Variants in ENPP3 observed in about 807,000 individuals in gnomAD.
ENPP3 encodes ectonucleotide pyrophosphatase/phosphodiesterase 3.
ENPP3 carries 104 observed loss-of-function variants against 117.8 expected under a neutral mutation model. The observed-to-expected ratio is 0.88, with a 90% CI of 0.75 to 1.04. The LOEUF is 1.04. Ranked by LOEUF, ENPP3 falls within the 50% of genes least tolerant of loss-of-function variation. The pLI is 0.00. For missense variants in ENPP3, 1,026 were observed against 1,051.9 expected, an observed-to-expected ratio of 0.98 and a Z score of 0.34; for synonymous variants, 380 against 349.9, an observed-to-expected ratio of 1.09 and a Z score of -0.96.
At chr6:131,664,781 G>T (rs1282233752) in intron 6 of ENPP3, among the ~76,000 whole-genome samples, 2 of 152,170 alleles carry the variant, frequency 1.3e-5, no homozygotes, top group Non-Finnish European at 2.9e-5. Context: ...TTGTACAATA[G>T]ACTTTACTAT....
chr6:131,746,851 T>C lies in ENPP3; in HGVS notation c.2523T>C (p.Asp841=). The C allele has an allele frequency of 6.2e-7, 1 of 1,613,634 alleles. No homozygotes were observed. ...CAGCTCACATTGCCCGGGTCCGTGATGTAGAACTTCTCACTGGGCTTGACT... is the reference window on the plus strand; with the variant it reads ...CAGCTCACATTGCCCGGGTCCGTGACGTAGAACTTCTCACTGGGCTTGACT... ...RFTAHIARVR[D]VELLTGLDFY... Residue 841 remains aspartate, a synonymous_variant, in exon 25 of 25, where the codon GAT becomes GAC. Transcript: ENST00000357639.
chr6:131,729,149 C>T (rs1780220606), intron 20 of ENPP3, among the ~76,000 whole-genome samples: 1 of 152,030 alleles, frequency 6.6e-6, no homozygotes, highest in Non-Finnish European at 1.5e-5. Flanking sequence ...TGTTAAAAAG[C>T]CTTTTTTCTT....
chr6:131,649,172 T>G lies in ENPP3; in HGVS notation c.155-855T>G, dbSNP rs562329633. Among the ~76,000 whole-genome samples, 22 of 152,284 alleles carry G rather than the reference T, an allele frequency of 1.4e-4. No homozygotes were observed. The East Asian group carries it at 1.7e-3, about 12-fold the overall frequency. On this transcript the variant is annotated intron_variant, in intron 2 of 24. Coordinates refer to ENST00000357639, the MANE Select transcript of ENPP3 (RefSeq NM_005021.5). ...TTCCTTCAGGCCCTTATCATTTTTT[T>G]GGGGCGGGTAAAAATTTCTTGCTTA...
chr6:131,739,593 CT>C (rs71270397), intron 23 of ENPP3, among the ~76,000 whole-genome samples: 4,704 of 87,446 alleles, frequency 0.054, 51 homozygotes, highest in Middle Eastern at 0.11. Context: ...TCATGCTCTG[CT>C]TTTTTTTTTT....
At chr6:131,669,948 A>G (rs983498857) in intron 6 of ENPP3, among the ~76,000 whole-genome samples, 3 of 152,210 alleles carry the variant, frequency 2.0e-5, no homozygotes, top group Non-Finnish European at 2.9e-5. Context: ...ATAACGGTGA[A>G]GCTTTATTTT....
chr6:131,677,440 C>T (rs1338169975), intron 10 of ENPP3, among the ~76,000 whole-genome samples: 2 of 152,068 alleles, frequency 1.3e-5, no homozygotes, highest in Non-Finnish European at 2.9e-5. Flanking sequence ...CAAGGTGCTC[C>T]ATCAAGCCCA....
intron 2 of ENPP3, among the ~76,000 whole-genome samples, 177 bp downstream of exon 2, chr6:131,641,707 G>T (rs1778044719): frequency 6.7e-6 from 1 of 150,092 alleles, no homozygotes; most frequent in East Asian, 2.0e-4. Flanking sequence ...GGTTGGCATT[G>T]CTCACTGTAC....
At chr6:131,643,300 T>C (rs901278940) in intron 2 of ENPP3, among the ~76,000 whole-genome samples, 7 of 152,226 alleles carry the variant, frequency 4.6e-5, no homozygotes, top group East Asian at 1.9e-4. Flanking sequence ...TTCTTGGCTA[T>C]TTTACCCCCT....
chr6:131,738,247 T>A, intron 23 of ENPP3, 84 bp downstream of exon 23: 1 of 1,022,724 alleles, frequency 9.8e-7, no homozygotes, highest in Non-Finnish European at 1.5e-6. Flanking sequence ...GTATTTTAAA[T>A]ATTACATAAT....
chr6:131,679,017 C>CT (rs1562446825), intron 11 of ENPP3, among the ~76,000 whole-genome samples: 5 of 96,216 alleles, frequency 5.2e-5, no homozygotes, highest in South Asian at 3.6e-4. Flanking sequence ...TTCCTTCCTT[C>CT]CTTCCTTCCT....
At chr6:131,731,350 T>C (rs964907614) in intron 20 of ENPP3, among the ~76,000 whole-genome samples, 3 of 152,210 alleles carry the variant, frequency 2.0e-5, no homozygotes, top group African/African-American at 7.2e-5. Flanking sequence ...AGCCATTTTG[T>C]TGAGGACTCC....
At position 131,724,101 on chromosome 6, in the gene ENPP3, T is replaced by C; in HGVS notation, c.1798+10T>C. The C allele has an allele frequency of 1.3e-6, 2 of 1,593,542 alleles. No individual in the cohort carries two copies. The highest frequency in any genetic ancestry group is 1.1e-5 in the South Asian group (1 of 90,598). ...CTCACCCAAGAAGAAAGTAAGTCAA[T>C]AGAAAACATGTTAAGTCTTTGATAT... On this transcript the variant is annotated intron_variant, in intron 19 of 24. Transcript: ENST00000357639.
chr6:131,733,524 C>A (rs960971478), intron 20 of ENPP3, 64 bp from the exon 21 acceptor site: 41 of 1,534,768 alleles, frequency 2.7e-5, no homozygotes, highest in Non-Finnish European at 3.5e-5. Context: ...AAGTGACAAA[C>A]CATATAAGGC....
intron 6 of ENPP3, among the ~76,000 whole-genome samples, chr6:131,666,921 G>A (rs1396856043): frequency 1.3e-5 from 2 of 152,164 alleles, no homozygotes; most frequent in African/African-American, 2.4e-5. Context: ...CTTCATGCTA[G>A]TCCAGCCTTG....
intron 15 of ENPP3, among the ~76,000 whole-genome samples, chr6:131,714,637 C>CA (rs1050183530): frequency 2.4e-5 from 3 of 127,354 alleles, no homozygotes; most frequent in African/African-American, 1.2e-4. Context: ...AGAGCTTTCT[C>CA]CATTCATCTC....
chr6:131,685,312 C>T (rs55966262), intron 12 of ENPP3, 52 bp from the exon 13 acceptor site: 36 of 1,461,254 alleles, frequency 2.5e-5, no homozygotes, highest in East Asian at 4.6e-5. Flanking sequence ...AGAAATCAAC[C>T]GTTGCCATTT....
intron 10 of ENPP3, among the ~76,000 whole-genome samples, 174 bp downstream of exon 10, chr6:131,676,975 C>G (rs1464030527): frequency 1.3e-5 from 2 of 151,944 alleles, no homozygotes; most frequent in Non-Finnish European, 2.9e-5. Context: ...GGGTCTCACT[C>G]GTGTAATCTC....
At position 131,654,662 on chromosome 6, in the gene ENPP3, C is replaced by T. The variant is rs114798991; in HGVS notation, c.464+1771C>T. Among the ~76,000 whole-genome samples the T allele has an allele frequency of 6.9e-3, 1,046 of 152,120 alleles. 5 individuals carry two copies. Among genetic ancestry groups the T allele is most frequent in the African/African-American group, 0.024 (1,005 of 41,482 alleles). On this transcript the variant is annotated intron_variant, in intron 5 of 24. Transcript: ENST00000357639. ...TTTTCCATGTTGCCCAGGCTGGTCT[C>T]GAACTTCTGGGCTCAAGTGATCCTG...
chr6:131,683,230 A>G lies in ENPP3; in HGVS notation c.1120+68A>G, dbSNP rs186831118. 4.3e-4 allele frequency: 366 copies of G among 848,064 alleles called. 1 individual carries two copies. In the African/African-American group the frequency reaches 5.1e-3, roughly 12 times the overall value. 52.5% of individuals were successfully genotyped at this position (848,064 alleles called of 1,614,324 possible). A position where few individuals can be genotyped will look rare whatever the true frequency, so the allele number is the denominator to read the frequency against. On this transcript the variant is annotated intron_variant, in intron 12 of 24. Coordinates refer to ENST00000357639, the MANE Select transcript of ENPP3 (RefSeq NM_005021.5). ...TTTATCACTTCAGAAATCATACACA[A>G]ATAATAGTGATATTTTAAAATCTCT...
Sources: allele counts gnomAD v4.1 joint callset (sites outside exome capture counted in the v4.1 genomes callset), GRCh38; gene constraint gnomAD v4.1.1; transcripts MANE v1.5; gene names NCBI Gene and HGNC (gene_info 2026-07-23, HGNC 2026-07-21).